SRGAP3: variants seen among roughly 807,000 people sequenced by gnomAD.
SRGAP3 encodes the protein SLIT-ROBO Rho GTPase-activating protein 3.
In SRGAP3, 39 loss-of-function variants were observed where a neutral mutation model predicts 121.1. The observed-to-expected ratio is 0.32, with a 90% confidence interval of 0.25 to 0.42. The LOEUF (loss-of-function observed/expected upper bound fraction) is 0.42. Among genes scored for constraint, SRGAP3 ranks in the 10% least tolerant of loss-of-function variants. The pLI is 1.00. For missense variants in SRGAP3, 1,213 were observed against 1,470.6 expected, an observed-to-expected ratio of 0.82 and a Z score of 2.86; for synonymous variants, 601 against 570.0, an observed-to-expected ratio of 1.05 and a Z score of -0.77.
At chr3:9,179,566 A>G (rs1951302654) in intron 1 of SRGAP3, among the ~76,000 whole-genome samples, 1 of 152,238 alleles carries the variant, frequency 6.6e-6, no homozygotes, top group African/African-American at 2.4e-5. Context: ...TGATAAAATA[A>G]GAGTAAGGTC....
At chr3:8,997,419 C>T (rs1370790913) in intron 18 of SRGAP3, among the ~76,000 whole-genome samples, 1 of 152,208 alleles carries the variant, frequency 6.6e-6, no homozygotes, top group Non-Finnish European at 1.5e-5. Context: ...CTCCCCACAG[C>T]AGCCTAGAGG....
At chr3:9,361,642 A>G (rs1403265155) in intron 1 of SRGAP3, among the ~76,000 whole-genome samples, 1 of 152,152 alleles carries the variant, frequency 6.6e-6, no homozygotes, top group African/African-American at 2.4e-5. Flanking sequence ...ACACCTCTTT[A>G]TAACCCCTCC....
At chr3:9,195,513 G>A (rs1393830627) in intron 1 of SRGAP3, among the ~76,000 whole-genome samples, 1 of 152,218 alleles carries the variant, frequency 6.6e-6, no homozygotes. Context: ...CCATGGATCA[G>A]GCCCAGACTA....
chr3:8,995,162 G>A (rs555263543), intron 18 of SRGAP3, among the ~76,000 whole-genome samples: 1 of 152,274 alleles, frequency 6.6e-6, no homozygotes, highest in Middle Eastern at 3.4e-3. Flanking sequence ...CATAATCCTA[G>A]TGCTGGTGTC....
At chr3:9,002,500 A>G (rs2124987028) in intron 18 of SRGAP3, among the ~76,000 whole-genome samples, 1 of 152,328 alleles carries the variant, frequency 6.6e-6, no homozygotes, top group Non-Finnish European at 1.5e-5. Flanking sequence ...CCAAACCTCA[A>G]ATCAATAACC....
intron 12 of SRGAP3, among the ~76,000 whole-genome samples, chr3:9,030,585 G>C (rs1325877547): frequency 6.6e-6 from 1 of 152,146 alleles, no homozygotes; most frequent in East Asian, 1.9e-4. Context: ...GTCTCAAAGG[G>C]GCAAACACTC....
intron 3 of SRGAP3, among the ~76,000 whole-genome samples, chr3:9,091,423 C>T (rs1273233724): frequency 1.3e-5 from 2 of 152,114 alleles, no homozygotes; most frequent in African/African-American, 2.4e-5. Context: ...TCTTTCAGTC[C>T]TAAATGCCGA....
At position 9,013,209 on chromosome 3, in the gene SRGAP3, A is replaced by T. The variant is rs540533839; in HGVS notation, c.2147+99T>A. 28 of 1,184,792 alleles carry T rather than the reference A, an allele frequency of 2.4e-5. No homozygotes were observed. The African/African-American group carries it at 3.3e-4, about 14-fold the overall frequency. 73.4% of individuals were successfully genotyped at this position (1,184,792 alleles called of 1,614,324 possible). A position where few individuals can be genotyped will look rare whatever the true frequency, so the allele number is the denominator to read the frequency against. Reference sequence around the variant, plus strand: ...TGAGAAAATGTATATGGAAGCACCGACTATCAAGCAGTAAGAAAACTGAAG... The same window carrying T: ...TGAGAAAATGTATATGGAAGCACCGTCTATCAAGCAGTAAGAAAACTGAAG... On this transcript the variant is annotated intron_variant, in intron 17 of 21. Transcript: ENST00000383836.
intron 3 of SRGAP3, among the ~76,000 whole-genome samples, chr3:9,283,071 G>A (rs1954708854): frequency 6.6e-6 from 1 of 151,956 alleles, no homozygotes; most frequent in Non-Finnish European, 1.5e-5. Context: ...CTCCCAAGTA[G>A]CTGGGATTAG....
At chr3:9,180,326 C>T (rs1287868530) in intron 1 of SRGAP3, among the ~76,000 whole-genome samples, 3 of 152,326 alleles carry the variant, frequency 2.0e-5, no homozygotes, top group Non-Finnish European at 2.9e-5. Flanking sequence ...CAGAAAGACA[C>T]GGAGAGTTAA....
chr3:9,280,852 G>C (rs1408229052), intron 3 of SRGAP3, among the ~76,000 whole-genome samples: 1 of 152,176 alleles, frequency 6.6e-6, no homozygotes, highest in Non-Finnish European at 1.5e-5. Context: ...AACCCAAATA[G>C]TAACTATGGC....
At position 9,104,688 on chromosome 3, in the gene SRGAP3, A is replaced by G. The variant is rs1416029491; in HGVS notation, c.415T>C (p.Phe139Leu). ...GCAGCCCACTTGCCTACCTTTTTGA[A>G]GAGTCTGATGACATCCTCACTGATC... ...SQISEDVIRL[F>L]KKSKEIGLQM... Residue 139 changes from phenylalanine to leucine, a missense_variant, in exon 3 of 22, where the codon TTC becomes CTC. By Grantham distance (22) the Phe-to-Leu change is conservative (BLOSUM62 0). This residue lies in a region of SRGAP3 where 793 missense variants were observed against 1,032.9 expected (regional missense o/e 0.77). Coordinates refer to ENST00000383836, the MANE Select transcript of SRGAP3 (RefSeq NM_014850.4). 1.2e-6 allele frequency: 2 copies of G among 1,614,154 alleles called. No homozygotes were observed. Among genetic ancestry groups the G allele is most frequent in the Admixed American group, 3.3e-5 (2 of 60,026 alleles).
At chr3:9,165,101 G>A (rs1950737830) in intron 1 of SRGAP3, among the ~76,000 whole-genome samples, 1 of 152,272 alleles carries the variant, frequency 6.6e-6, no homozygotes, top group Non-Finnish European at 1.5e-5. Context: ...TGAGCCAGGA[G>A]GATGCCCCAG....
At chr3:9,227,687 T>A (rs1377051225) in intron 1 of SRGAP3, among the ~76,000 whole-genome samples, 2 of 152,260 alleles carry the variant, frequency 1.3e-5, no homozygotes, top group Admixed American at 1.3e-4. Flanking sequence ...TTTTAACTAC[T>A]AAAAATGCAT....
In SRGAP3 at chr3:9,108,495, G is replaced by A. The variant is rs1044294370; in HGVS notation, c.261-3653C>T. ...TAGCTGGGCATAGTGGCACACACCC[G>A]TAGTCCTAGTTACTTGGGAGACTGA... On this transcript the variant is annotated intron_variant, in intron 2 of 21. Transcript: ENST00000383836. Among the ~76,000 whole-genome samples the A allele has an allele frequency of 1.3e-4, 20 of 152,236 alleles. 1 individual carries two copies. Among genetic ancestry groups the A allele is most frequent in the East Asian group, 3.9e-4 (2 of 5,180 alleles).
At chr3:9,270,511 T>A (rs1437848864) in intron 3 of SRGAP3, among the ~76,000 whole-genome samples, 1 of 152,210 alleles carries the variant, frequency 6.6e-6, no homozygotes, top group Non-Finnish European at 1.5e-5. Flanking sequence ...CATACGCTTA[T>A]CAAAACTAAT....
At chr3:9,014,039 G>A in intron 15 of SRGAP3, 197 bp from the exon 16 acceptor site, 1 of 648,654 alleles carries the variant, frequency 1.5e-6, no homozygotes, top group East Asian at 2.8e-5. Context: ...GGCTGGAGGT[G>A]TGGCCTAATC....
rs78998394 is a variant in SRGAP3 at position 9,044,419 on chromosome 3, G to A, written c.1408+2972C>T. Among the ~76,000 whole-genome samples, 1,493 of 152,332 alleles carry A rather than the reference G, an allele frequency of 9.8e-3. 91 individuals carry two copies. In the East Asian group the frequency reaches 0.17, roughly 18 times the overall value. ...ATCACATCCTGGCAGAGATGGAGCC[G>A]CGATGGCGTAAGATTTTTGCTCAGC... On this transcript the variant is annotated intron_variant, in intron 10 of 21. Coordinates refer to ENST00000383836, the MANE Select transcript of SRGAP3 (RefSeq NM_014850.4).
intron 1 of SRGAP3, among the ~76,000 whole-genome samples, chr3:9,180,849 C>T (rs1484957888): frequency 6.6e-6 from 1 of 152,094 alleles, no homozygotes; most frequent in Admixed American, 6.5e-5. Flanking sequence ...GCCAGCGAGT[C>T]TCTCCTCAGC....
Sources: gnomAD v4.1 joint callset for allele counts (sites outside exome capture counted in the v4.1 genomes callset) on GRCh38, gnomAD v4.1.1 for gene constraint, gnomAD v4.1.1 regional missense constraint, MANE v1.5 for transcripts, NCBI Gene and HGNC (gene_info 2026-07-23, HGNC 2026-07-21) for gene names.